USP33: variants seen among roughly 807,000 people sequenced by gnomAD.
The protein encoded by USP33 is ubiquitin specific peptidase 33, also known as ubiquitin carboxyl-terminal hydrolase 33.
In USP33, 46 loss-of-function variants were observed where a neutral mutation model predicts 124.2. The observed-to-expected ratio is 0.37, with a 90% CI of 0.29 to 0.47. The LOEUF (loss-of-function observed/expected upper bound fraction) is 0.47. Ranked by LOEUF, USP33 falls within the 20% of genes least tolerant of loss-of-function variation. The pLI is 0.99. For synonymous variants in USP33, 350 were observed against 352.3 expected, an observed-to-expected ratio of 0.99 and a Z score of 0.07; for missense variants, 851 against 1,070.6, an observed-to-expected ratio of 0.79 and a Z score of 2.86.
intron 21 of USP33, among the ~76,000 whole-genome samples, chr1:77,703,986 G>A (rs538100686): frequency 5.9e-4 from 90 of 152,008 alleles, no homozygotes; most frequent in African/African-American, 1.9e-3. Context: ...GGTGGCACAC[G>A]CCTATAGTCT....
In USP33 at chr1:77,718,019, C is replaced by A; in HGVS notation, c.1766G>T (p.Arg589Ile). Residue 589 changes from arginine to isoleucine, a missense_variant, in exon 17 of 24, where the codon AGA becomes ATA. Around this residue, in one of 4 missense-constraint regions of USP33, gnomAD observed 281 missense variants for 425.0 expected, o/e 0.66. Coordinates refer to ENST00000370794, the MANE Select transcript of USP33 (RefSeq NM_201624.3). ...TTTGGTGGAAAACATTAGTTCATGT[C>A]TGAATCTTTTAAGGTGGATGCACAA... The part of the protein sequence containing the change: ...EILCIHLKRF[R>I]HELMFSTKIS... The A allele has an allele frequency of 6.2e-7, 1 of 1,606,928 alleles. No individual in the cohort carries two copies. Among genetic ancestry groups the A allele is most frequent in the Non-Finnish European group, 8.5e-7 (1 of 1,177,206 alleles).
intron 21 of USP33, among the ~76,000 whole-genome samples, chr1:77,707,220 T>C (rs915413689): frequency 1.3e-5 from 2 of 152,194 alleles, no homozygotes; most frequent in African/African-American, 4.8e-5. Context: ...TTCTCTCAGT[T>C]TTAGAGAACA....
chr1:77,726,349 T>TA (rs540315702), intron 10 of USP33, among the ~76,000 whole-genome samples: 363 of 139,942 alleles, frequency 2.6e-3, no homozygotes, highest in Middle Eastern at 7.4e-3. Context: ...AATATAGCAT[T>TA]AAAAAAAAAA....
intron 15 of USP33, among the ~76,000 whole-genome samples, chr1:77,720,086 G>C (rs1487391022): frequency 7.3e-6 from 1 of 137,468 alleles, no homozygotes; most frequent in Non-Finnish European, 1.5e-5. Flanking sequence ...CTTGTGCCCA[G>C]GAAGCTGAGC....
chr1:77,709,834 C>G (rs1675036669), intron 21 of USP33, among the ~76,000 whole-genome samples: 1 of 151,342 alleles, frequency 6.6e-6, no homozygotes, highest in African/African-American at 2.4e-5. Context: ...ATCCAAGGCA[C>G]TTTCAGTGAG....
At chr1:77,704,821 T>A (rs1674434800) in intron 21 of USP33, among the ~76,000 whole-genome samples, 1 of 152,198 alleles carries the variant, frequency 6.6e-6, no homozygotes, top group South Asian at 2.1e-4. Context: ...TCCTTATGTA[T>A]CTCCCTGAAT....
intron 22 of USP33, among the ~76,000 whole-genome samples, chr1:77,699,545 G>C (rs1177214569): frequency 5.3e-5 from 8 of 152,128 alleles, no homozygotes; most frequent in African/African-American, 1.9e-4. Context: ...AGAAACAAGA[G>C]ATGCTGGCGA....
Position 77,696,946 on chromosome 1 carries a change from G to A in USP33, c.*371C>T, listed in dbSNP as rs747636799. 6.5e-6 allele frequency: 1 copy of A among 154,224 alleles called. No homozygotes were observed. Among genetic ancestry groups the A allele is most frequent in the African/African-American group, 2.4e-5 (1 of 41,460 alleles). The allele number at this position is 154,224 out of a possible 1,614,324, so 9.6% of individuals were successfully genotyped here. ...AAAATACAAAAATTAGCCGGGCATG[G>A]TGGCAGGTGCCTGTAATCCCAGCTA... On this transcript the variant is annotated 3_prime_UTR_variant, in exon 24 of 24. Transcript: ENST00000370794.
chr1:77,713,299 CAT>C lies in USP33; in HGVS notation c.2216-20_2216-19del. ...AGGAACACCTAAAAAAATATATAAACATATCTGTTTCATGCTTTTAATTATAT... is the reference window on the plus strand; with the variant it reads ...AGGAACACCTAAAAAAATATATAAACATCTGTTTCATGCTTTTAATTATAT... On this transcript the variant is annotated intron_variant, in intron 19 of 23. Coordinates refer to ENST00000370794, the MANE Select transcript of USP33 (RefSeq NM_201624.3). 6.4e-7 allele frequency: 1 copy of C among 1,559,258 alleles called. No homozygotes were observed. The highest frequency in any genetic ancestry group is 8.6e-7 in the Non-Finnish European group (1 of 1,156,960).
intron 6 of USP33, 101 bp from the exon 7 acceptor site, chr1:77,734,517 G>A (rs976975766): frequency 1.4e-6 from 1 of 693,494 alleles, no homozygotes; most frequent in Non-Finnish European, 2.4e-6. Context: ...AAGGACCACG[G>A]AAATACAATA....
At chr1:77,734,870 T>C (rs138277199) in intron 6 of USP33, among the ~76,000 whole-genome samples, 2,375 of 152,268 alleles carry the variant, frequency 0.016, 27 homozygotes, top group Middle Eastern at 0.034. Flanking sequence ...ACGCCTGTAA[T>C]CCCAGCACTT....
intron 20 of USP33, 112 bp from the exon 21 acceptor site, chr1:77,711,967 A>G: frequency 9.2e-7 from 1 of 1,088,430 alleles, no homozygotes; most frequent in South Asian, 1.6e-5. Context: ...TTCTCAAAGT[A>G]ATATAAAAAT....
At chr1:77,710,920 G>GTAC (rs1202597247) in intron 21 of USP33, among the ~76,000 whole-genome samples, 31 of 152,200 alleles carry the variant, frequency 2.0e-4, no homozygotes, top group Non-Finnish European at 1.5e-5. Flanking sequence ...AATTGGAAGG[G>GTAC]TACTAGTCCT....
chr1:77,730,673 G>C lies in USP33; in HGVS notation c.583C>G (p.Pro195Ala). 6.2e-7 allele frequency: 1 copy of C among 1,600,026 alleles called. No homozygotes were observed. Among genetic ancestry groups the C allele is most frequent in the South Asian group, 1.1e-5 (1 of 88,618 alleles). The change falls in exon 8 of 24, where the codon CCT becomes GCT. Residue 195 changes from proline to alanine, a missense_variant. By Grantham distance (27) the Pro-to-Ala change is conservative (BLOSUM62 -1). Around this residue, in one of 4 missense-constraint regions of USP33, gnomAD observed 221 missense variants for 302.9 expected, o/e 0.73. Coordinates refer to ENST00000370794, the MANE Select transcript of USP33 (RefSeq NM_201624.3). ...CGGLARTDKK[P>A]AICKSYLKLM... Reference sequence around the variant, plus strand: ...TTGAGATAACTTTTACAAATGGCAGGTTTCTTATCTGTTCGAGCTAGTCCT... The same window carrying C: ...TTGAGATAACTTTTACAAATGGCAGCTTTCTTATCTGTTCGAGCTAGTCCT...
chr1:77,714,171 G>A (rs1026325421), intron 19 of USP33, among the ~76,000 whole-genome samples: 1 of 151,994 alleles, frequency 6.6e-6, no homozygotes, highest in East Asian at 1.9e-4. Context: ...TGGGAAAAAA[G>A]CCAGCTATTC....
intron 17 of USP33, 189 bp downstream of exon 17, chr1:77,717,678 A>G (rs938663371): frequency 5.1e-5 from 18 of 352,668 alleles, no homozygotes; most frequent in Non-Finnish European, 7.5e-5. Flanking sequence ...TAGGATGTTT[A>G]TTTATTTATT....
intron 22 of USP33, among the ~76,000 whole-genome samples, chr1:77,701,039 A>C (rs1673957878): frequency 6.6e-6 from 1 of 152,194 alleles, no homozygotes; most frequent in South Asian, 2.1e-4. Flanking sequence ...AAATATTGTC[A>C]TACAATTTTA....
intron 7 of USP33, among the ~76,000 whole-genome samples, chr1:77,731,223 C>G (rs1170943595): frequency 6.6e-6 from 1 of 152,144 alleles, no homozygotes; most frequent in Non-Finnish European, 1.5e-5. Context: ...ATAAAGTCAA[C>G]CATGTCATCT....
At position 77,711,851 on chromosome 1, in the gene USP33, C is replaced by T; in HGVS notation, c.2302G>A (p.Gly768Ser). The T allele has an allele frequency of 6.3e-7, 1 of 1,594,872 alleles. No homozygotes were observed. Among genetic ancestry groups the T allele is most frequent in the Non-Finnish European group, 8.5e-7 (1 of 1,174,972 alleles). ...NIWDNLYSRY[G>S]GGPAVNHLYI... is the part of the protein sequence containing the mutation. ...AGATGGTTGACAGCTGGTCCTCCAC[C>T]ATACCTAAAGCATGAAAAATTTAAG... Residue 768 changes from glycine (G) to serine (S), a missense_variant, in exon 21 of 24, where the codon GGT becomes AGT. This residue lies in a region of USP33 where 281 missense variants were observed against 425.0 expected (regional missense o/e 0.66). Transcript: ENST00000370794.
Sources: allele counts gnomAD v4.1 joint callset (sites outside exome capture counted in the v4.1 genomes callset), GRCh38; gene constraint gnomAD v4.1.1; regional missense constraint gnomAD v4.1.1; transcripts MANE v1.5; gene names NCBI Gene and HGNC (gene_info 2026-07-23, HGNC 2026-07-21).